Variants in TLX3 observed in about 807,000 individuals in gnomAD.
The protein encoded by TLX3 is T-cell leukemia homeobox protein 3.
In TLX3, 11 loss-of-function variants were observed where a neutral mutation model predicts 19.6. That is an observed-to-expected ratio of 0.56 (90% confidence interval 0.35 to 0.93). The LOEUF (loss-of-function observed/expected upper bound fraction) is 0.93, where lower values mean the gene tolerates loss of function less well. Ranked by LOEUF, TLX3 falls within the 40% of genes least tolerant of loss-of-function variation. TLX3 has a pLI of 0.01. For missense variants in TLX3, 375 were observed against 418.6 expected (o/e 0.90, Z 0.91); for synonymous variants, 221 against 188.1 (o/e 1.17, Z -1.43).
intron 1 of TLX3, 142 bp from the exon 2 acceptor site, chr5:171,310,008 C>A (rs1769193857): frequency 7.3e-7 from 1 of 1,375,510 alleles, no homozygotes; most frequent in Admixed American, 2.8e-5. Flanking sequence ...GGTCTCCCGA[C>A]CGGCTTGGTG....
chr5:171,310,070 G>C (rs1440050006), intron 1 of TLX3, 80 bp from the exon 2 acceptor site: 4 of 1,471,284 alleles, frequency 2.7e-6, no homozygotes, highest in African/African-American at 1.4e-5. Flanking sequence ...CGTGTCCCAC[G>C]GGGCGCCACG....
At chr5:171,310,012 C>T (rs1301757225) in intron 1 of TLX3, 138 bp from the exon 2 acceptor site, 5 of 1,387,432 alleles carry the variant, frequency 3.6e-6, no homozygotes, top group African/African-American at 2.9e-5. Flanking sequence ...TCCCGACCGG[C>T]TTGGTGTCTC....
intron 1 of TLX3, 82 bp downstream of exon 1, chr5:171,309,868 A>G (rs1336359446): frequency 1.4e-6 from 2 of 1,455,614 alleles, no homozygotes; most frequent in African/African-American, 2.8e-5. Flanking sequence ...CCACTCCCGG[A>G]AACCATTTCA....
At position 171,311,100 on chromosome 5, in the gene TLX3, G is replaced by C. The variant is rs967902581; in HGVS notation, c.666-289G>C. Among the ~76,000 whole-genome samples, 1 of 152,162 alleles carries C rather than the reference G, an allele frequency of 6.6e-6. No homozygotes were observed. Among genetic ancestry groups the C allele is most frequent in the Non-Finnish European group, 1.5e-5 (1 of 68,034 alleles). ...ACATAGGCCCTGCCCTTGCTATCTG[G>C]CGAAAGGAACAATCTTTATTGTTGG... On this transcript the variant is annotated intron_variant, in intron 2 of 2. Transcript: ENST00000296921. The surrounding 1 kb of genome is among the most constrained non-coding windows in gnomAD (Gnocchi z 5.1).
rs542013126 is a variant in TLX3, at chr5:171,311,756, G to C, written c.*157G>C. On this transcript the variant is annotated 3_prime_UTR_variant, in exon 3 of 3. Coordinates refer to ENST00000296921, the MANE Select transcript of TLX3 (RefSeq NM_021025.4). The surrounding 1 kb of genome is among the most constrained non-coding windows in gnomAD (Gnocchi z 5.1). ...CGCGGCCACAGACTGGCGGGCCGCG[G>C]AAGGGGGTAGGGCCCGAGCTCCGCG... 1 of 519,942 alleles carries C rather than the reference G, an allele frequency of 1.9e-6. No individual in the cohort carries two copies. Among genetic ancestry groups the C allele is most frequent in the African/African-American group, 2.1e-5 (1 of 48,736 alleles). The allele number at this position is 519,942 out of a possible 1,614,324, so 32.2% of individuals were successfully genotyped here.
Position 171,309,669 on chromosome 5 carries a change from C to A in TLX3, c.304C>A (p.Pro102Thr), listed in dbSNP as rs1769185847. ...CAGGCCGCTGCCCGGGGCCGTGCCACCGCCTCTGCCAAGCGCGCTACCCGC... is the reference window on the plus strand; with the variant it reads ...CAGGCCGCTGCCCGGGGCCGTGCCAACGCCTCTGCCAAGCGCGCTACCCGC... Reference protein sequence around the residue: ...AHRPLPGAVPPPLPSALPAMP... With the variant: ...AHRPLPGAVPTPLPSALPAMP... Residue 102 changes from proline (P) to threonine (T), a missense_variant, in exon 1 of 3, where the codon CCG becomes ACG. Pro to Thr is a conservative substitution (Grantham distance 38, BLOSUM62 -1). This residue lies in a region of TLX3 where 239 missense variants were observed against 217.0 expected (regional missense o/e 1.10). Coordinates refer to ENST00000296921, the MANE Select transcript of TLX3 (RefSeq NM_021025.4). The A allele has an allele frequency of 6.2e-7, 1 of 1,608,924 alleles. No homozygotes were observed.
At position 171,311,517 on chromosome 5, in the gene TLX3, A is replaced by G. The variant is rs1378612223; in HGVS notation, c.794A>G (p.Asn265Ser). ...SIQPDPLCLHNSSLFALQNLQ... is the reference protein window; with the variant it reads ...SIQPDPLCLHSSSLFALQNLQ... ...CAGCCTGACCCGCTCTGTCTGCACA[A>G]CTCGTCACTCTTTGCTCTGCAGAAT... The change falls in exon 3 of 3, where the codon AAC (asparagine) becomes AGC (serine). Residue 265 changes from asparagine (N) to serine (S), a missense_variant. Around this residue, in one of 3 missense-constraint regions of TLX3, gnomAD observed 62 missense variants for 63.1 expected, o/e 0.98. Coordinates refer to ENST00000296921, the MANE Select transcript of TLX3 (RefSeq NM_021025.4). The surrounding 1 kb of genome is among the most constrained non-coding windows in gnomAD (Gnocchi z 5.1). 5 of 1,613,368 alleles carry G rather than the reference A, an allele frequency of 3.1e-6. No individual in the cohort carries two copies. The highest frequency in any genetic ancestry group is 4.2e-6 in the Non-Finnish European group (5 of 1,179,720).
At position 171,310,250 on chromosome 5, in the gene TLX3, C is replaced by T. The variant is rs1000129038; in HGVS notation, c.522C>T (p.Ser174=). ...GTAAGAAGCCGCGCACGTCCTTTTC[C>T]CGGGTGCAGATCTGCGAGCTGGAAA... is the stretch of plus-strand genomic sequence containing the variant. ...PKRKKPRTSF[S]RVQICELEKR... Residue 174 remains serine, a synonymous_variant, in exon 2 of 3, where the codon TCC becomes TCT. Transcript: ENST00000296921. The T allele has an allele frequency of 6.4e-7, 1 of 1,569,060 alleles. No individual in the cohort carries two copies. The highest frequency in any genetic ancestry group is 8.6e-7 in the Non-Finnish European group (1 of 1,157,374).
intron 1 of TLX3, 62 bp downstream of exon 1, chr5:171,309,848 C>T: frequency 1.4e-6 from 2 of 1,477,656 alleles, no homozygotes; most frequent in Non-Finnish European, 1.8e-6. Context: ...GGCGCCGCGC[C>T]CTGTGCGCTC....
rs1174034591 is a variant in TLX3, at chr5:171,309,525, G to A, written c.160G>A (p.Ala54Thr). 6.4e-7 allele frequency: 1 copy of A among 1,563,920 alleles called. No homozygotes were observed. Among genetic ancestry groups the A allele is most frequent in the East Asian group, 2.4e-5 (1 of 41,952 alleles). The change falls in exon 1 of 3, where the codon GCC becomes ACC. Residue 54 changes from alanine (A) to threonine (T), a missense_variant. Transcript: ENST00000296921. ...LGGPPGGRPGATYPSLPASFA... is the reference protein window; with the variant it reads ...LGGPPGGRPGTTYPSLPASFA... ...AGGGCCCCCCGGGGGCCGTCCGGGC[G>A]CCACATACCCGTCTCTGCCCGCCTC...
In TLX3 at chr5:171,311,275, T is replaced by C; in HGVS notation, c.666-114T>C. On this transcript the variant is annotated intron_variant, in intron 2 of 2. Coordinates refer to ENST00000296921, the MANE Select transcript of TLX3 (RefSeq NM_021025.4). The surrounding 1 kb of genome is among the most constrained non-coding windows in gnomAD (Gnocchi z 5.1). ...AGCGCGGGCTGGGAGGCAGACGGGT[T>C]CTGCGCCTCGAGGCTCCCGGATGGC... 1.2e-6 allele frequency: 1 copy of C among 860,866 alleles called. No individual in the cohort carries two copies. Among genetic ancestry groups the C allele is most frequent in the Non-Finnish European group, 1.8e-6 (1 of 570,874 alleles). The allele number at this position is 860,866 out of a possible 1,614,324, so 53.3% of individuals were successfully genotyped here.
chr5:171,309,345 C>CCCCCCCCCCCG lies in TLX3; in HGVS notation c.-21_-20insCCCCCCCCCCG. The CCCCCCCCCCCG allele has an allele frequency of 3.6e-5, 52 of 1,445,072 alleles. No individual in the cohort carries two copies. Among genetic ancestry groups the CCCCCCCCCCCG allele is most frequent in the Non-Finnish European group, 4.6e-5 (49 of 1,058,052 alleles). 89.5% of individuals were successfully genotyped at this position (1,445,072 alleles called of 1,614,324 possible). A position where few individuals can be genotyped will look rare whatever the true frequency, so the allele number is the denominator to read the frequency against. ...AGCCGCCTCCCCGCCCAGCCCAGCCCAGCCCTTCCGCCCGCCCAGGATGGA... is the reference window on the plus strand; with the variant it reads ...AGCCGCCTCCCCGCCCAGCCCAGCCCCCCCCCCCCCGAGCCCTTCCGCCCGCCCAGGATGGA... On this transcript the variant is annotated 5_prime_UTR_variant, in exon 1 of 3. Coordinates refer to ENST00000296921, the MANE Select transcript of TLX3 (RefSeq NM_021025.4).
Position 171,311,604 on chromosome 5 carries a change from A to C in TLX3, c.*5A>C, listed in dbSNP as rs2113031775. 6.3e-7 allele frequency: 1 copy of C among 1,594,934 alleles called. No homozygotes were observed. The highest frequency in any genetic ancestry group is 1.4e-5 in the African/African-American group (1 of 73,652). ...GCTGTCACCTCCCTGGTGTGAGCCC[A>C]CCAGCGCGCACCGTCGCCACGGATC... On this transcript the variant is annotated 3_prime_UTR_variant, in exon 3 of 3. Coordinates refer to ENST00000296921, the MANE Select transcript of TLX3 (RefSeq NM_021025.4). The surrounding 1 kb of genome is among the most constrained non-coding windows in gnomAD (Gnocchi z 5.1).
At position 171,311,686 on chromosome 5, in the gene TLX3, G is replaced by A. The variant is rs1022651161; in HGVS notation, c.*87G>A. ...CCCCAGGCGGGCTGCGGGGGAACCG[G>A]CGCCGAGAGGGGAAGGGGCCGCCTA... On this transcript the variant is annotated 3_prime_UTR_variant, in exon 3 of 3. Coordinates refer to ENST00000296921, the MANE Select transcript of TLX3 (RefSeq NM_021025.4). This position sits in a 1 kb window ranked among gnomAD's most constrained non-coding sequence, Gnocchi z 5.1. 2.8e-5 allele frequency: 30 copies of A among 1,071,186 alleles called. No individual in the cohort carries two copies. Among genetic ancestry groups the A allele is most frequent in the African/African-American group, 8.4e-5 (5 of 59,596 alleles). 66.4% of individuals were successfully genotyped at this position (1,071,186 alleles called of 1,614,324 possible).
In TLX3 at chr5:171,309,777, C is replaced by G. The variant is rs772305923; in HGVS notation, c.412C>G (p.Arg138Gly). 5.6e-6 allele frequency: 9 copies of G among 1,603,532 alleles called. No individual in the cohort carries two copies. The highest frequency in any genetic ancestry group is 7.7e-6 in the Non-Finnish European group (9 of 1,175,496). The change falls in exon 1 of 3, where the codon CGC (arginine) becomes GGC (glycine). Residue 138 changes from arginine (R) to glycine (G), a missense_variant. Physicochemically the swap from Arg to Gly is moderately radical, Grantham distance 125 (BLOSUM62 -2). Around this residue, in one of 3 missense-constraint regions of TLX3, gnomAD observed 239 missense variants for 217.0 expected, o/e 1.10. Coordinates refer to ENST00000296921, the MANE Select transcript of TLX3 (RefSeq NM_021025.4). ...MESSRRFVKD[R>G]FTAAAALTPF... ...GAGCAGCCGCCGCTTCGTGAAAGAC[C>G]GCTTCACAGGTGAGCAGAGCTGGCG... is the stretch of plus-strand genomic sequence containing the variant.
Position 171,309,334 on chromosome 5 carries a change from C to A in TLX3, c.-32C>A. 2 of 1,089,492 alleles carry A rather than the reference C, an allele frequency of 1.8e-6. No homozygotes were observed. The highest frequency in any genetic ancestry group is 2.6e-6 in the Non-Finnish European group (2 of 758,566). The allele number at this position is 1,089,492 out of a possible 1,614,324, so 67.5% of individuals were successfully genotyped here. A position where few individuals can be genotyped will look rare whatever the true frequency, so the allele number is the denominator to read the frequency against. On this transcript the variant is annotated 5_prime_UTR_variant, in exon 1 of 3. Coordinates refer to ENST00000296921, the MANE Select transcript of TLX3 (RefSeq NM_021025.4). ...AACGGGGACCCAGCCGCCTCCCCGC[C>A]CAGCCCAGCCCAGCCCTTCCGCCCG...
chr5:171,310,957 C>T (rs971007), intron 2 of TLX3, among the ~76,000 whole-genome samples: 2 of 152,048 alleles, frequency 1.3e-5, no homozygotes, highest in South Asian at 4.2e-4. Context: ...TCAAGACAGG[C>T]CCTGGGCGAA....
At position 171,311,839 on chromosome 5, in the gene TLX3, A is replaced by T. The variant is rs1769229952; in HGVS notation, c.*240A>T. ...CCGTCCCGCCCCAGGCCCGGGCCTG[A>T]CAAGAAAGCGCCTTACGTTTCTCCG... On this transcript the variant is annotated 3_prime_UTR_variant, in exon 3 of 3. Coordinates refer to ENST00000296921, the MANE Select transcript of TLX3 (RefSeq NM_021025.4). This position sits in a 1 kb window ranked among gnomAD's most constrained non-coding sequence, Gnocchi z 5.1. The T allele has an allele frequency of 2.9e-6, 1 of 344,468 alleles. No individual in the cohort carries two copies. Among genetic ancestry groups the T allele is most frequent in the Non-Finnish European group, 5.2e-6 (1 of 192,896 alleles). The allele number at this position is 344,468 out of a possible 1,614,324, so 21.3% of individuals were successfully genotyped here. A position where few individuals can be genotyped will look rare whatever the true frequency, so the allele number is the denominator to read the frequency against.
In TLX3 at chr5:171,309,248, G is replaced by A. The variant is rs1170390959; in HGVS notation, c.-118G>A. 7.3e-6 allele frequency: 6 copies of A among 824,884 alleles called. No individual in the cohort carries two copies. The highest frequency in any genetic ancestry group is 1.1e-5 in the Non-Finnish European group (6 of 561,272). 51.1% of individuals were successfully genotyped at this position (824,884 alleles called of 1,614,324 possible). Reference sequence around the variant, plus strand: ...AGATGACACAGAGCCTGTCGGGCCCGCGCACTCTTGGCAAAGTTTCAGTGC... The same window carrying A: ...AGATGACACAGAGCCTGTCGGGCCCACGCACTCTTGGCAAAGTTTCAGTGC... On this transcript the variant is annotated 5_prime_UTR_variant, in exon 1 of 3. Transcript: ENST00000296921.
Sources: gnomAD v4.1 joint callset for allele counts (sites outside exome capture counted in the v4.1 genomes callset) on GRCh38, gnomAD v4.1.1 for gene constraint, gnomAD v4.1.1 regional missense constraint, Gnocchi (gnomAD v3.1) non-coding constraint, MANE v1.5 for transcripts, NCBI Gene and HGNC (gene_info 2026-07-23, HGNC 2026-07-21) for gene names.